The following LARP1B variants were observed in gnomAD, a reference collection of about 807,000 sequenced individuals.
The protein encoded by LARP1B is la-related protein 1B.
In LARP1B, 76 loss-of-function variants were observed where a neutral mutation model predicts 114.2. The observed-to-expected ratio is 0.67, with a 90% CI of 0.55 to 0.81. The LOEUF (loss-of-function observed/expected upper bound fraction) is 0.81, where lower values mean the gene tolerates loss of function less well. LARP1B is among the 30% of genes least tolerant of loss of function. LARP1B has a pLI of 0.00. For missense variants in LARP1B, 1,014 were observed against 1,075.8 expected, an observed-to-expected ratio of 0.94 and a Z score of 0.80; for synonymous variants, 345 against 348.0, an observed-to-expected ratio of 0.99 and a Z score of 0.10.
At chr4:128,062,610 T>A (rs1760671234) in intron 1 of LARP1B, among the ~76,000 whole-genome samples, 3 of 150,650 alleles carry the variant, frequency 2.0e-5, no homozygotes, top group African/African-American at 7.3e-5. Context: ...TTTTTTTTTT[T>A]ACATAAAAGG....
At chr4:128,130,602 A>G (rs1412558004) in intron 11 of LARP1B, among the ~76,000 whole-genome samples, 2 of 152,384 alleles carry the variant, frequency 1.3e-5, no homozygotes, top group East Asian at 1.9e-4. Flanking sequence ...GCAAAACAGT[A>G]CAGCTTCTTT....
intron 4 of LARP1B, among the ~76,000 whole-genome samples, chr4:128,078,998 G>C (rs1769107891): frequency 6.6e-6 from 1 of 152,106 alleles, no homozygotes. Flanking sequence ...GAGGTGATAT[G>C]GCATGGGAGG....
chr4:128,113,781 CTTTTTTTT>C (rs1156610852), intron 9 of LARP1B, among the ~76,000 whole-genome samples: 1 of 114,248 alleles, frequency 8.8e-6, no homozygotes, highest in Non-Finnish European at 1.8e-5. Context: ...GACATTTACT[CTTTTTTTT>C]TTTTTTTTTT....
intron 5 of LARP1B, among the ~76,000 whole-genome samples, chr4:128,084,795 T>C (rs1166446788): frequency 6.6e-6 from 1 of 152,186 alleles, no homozygotes; most frequent in African/African-American, 2.4e-5. Context: ...TTGATTAATA[T>C]TAACTTTGAT....
chr4:128,157,997 A>G (rs1399777090), intron 11 of LARP1B, among the ~76,000 whole-genome samples: 1 of 152,162 alleles, frequency 6.6e-6, no homozygotes, highest in East Asian at 1.9e-4. Context: ...GTGGCAATAA[A>G]CACAACAACG....
chr4:128,101,345 C>A (rs1049700960), intron 8 of LARP1B, among the ~76,000 whole-genome samples: 6 of 151,384 alleles, frequency 4.0e-5, no homozygotes, highest in Admixed American at 2.6e-4. Context: ...TGGTGACGTG[C>A]CTGTAATCCC....
At chr4:128,088,507 T>G (rs942650217) in intron 5 of LARP1B, among the ~76,000 whole-genome samples, 3 of 152,306 alleles carry the variant, frequency 2.0e-5, no homozygotes. Context: ...ATAAAATCTG[T>G]ACTAACGGTG....
intron 9 of LARP1B, among the ~76,000 whole-genome samples, chr4:128,111,126 A>G (rs1783958319): frequency 6.6e-6 from 1 of 151,222 alleles, no homozygotes; most frequent in African/African-American, 2.4e-5. Context: ...TGCTCACTGC[A>G]GACTCCGCCT....
chr4:128,146,937 T>G (rs1483537041), intron 11 of LARP1B, among the ~76,000 whole-genome samples: 1 of 152,246 alleles, frequency 6.6e-6, no homozygotes, highest in Non-Finnish European at 1.5e-5. Context: ...CCCACTGTTA[T>G]GCTTAGTATT....
In LARP1B at chr4:128,074,931, T is replaced by C; in HGVS notation, c.-18-3T>C. The C allele has an allele frequency of 1.9e-6, 3 of 1,595,704 alleles. No homozygotes were observed. In the South Asian group the frequency reaches 3.3e-5, roughly 18 times the overall value. On this transcript the variant is annotated splice_region_variant and splice_polypyrimidine_tract_variant and intron_variant, in intron 2 of 19. Coordinates refer to ENST00000326639, the MANE Select transcript of LARP1B (RefSeq NM_018078.4). Reference sequence around the variant, plus strand: ...GACCTAACACTTATTTGTTACTTCTTAGGCTAGTGATTTCAGTGATATGGA... The same window carrying C: ...GACCTAACACTTATTTGTTACTTCTCAGGCTAGTGATTTCAGTGATATGGA...
chr4:128,099,018 C>T (rs1026605525), intron 8 of LARP1B, among the ~76,000 whole-genome samples: 5 of 150,468 alleles, frequency 3.3e-5, no homozygotes, highest in South Asian at 2.1e-4. Context: ...CCTTGTGATC[C>T]GCCCACCTTC....
At chr4:128,172,936 A>AGTGT (rs1452279399) in intron 12 of LARP1B, among the ~76,000 whole-genome samples, 2 of 79,266 alleles carry the variant, frequency 2.5e-5, no homozygotes, top group South Asian at 3.1e-4. Flanking sequence ...AATCCCATCC[A>AGTGT]ATGTGTGTGT....
At chr4:128,195,464 T>C (rs999826459) in intron 15 of LARP1B, among the ~76,000 whole-genome samples, 5 of 152,200 alleles carry the variant, frequency 3.3e-5, no homozygotes, top group Non-Finnish European at 7.3e-5. Flanking sequence ...TATTTATTCA[T>C]TGTGGAGAAT....
At chr4:128,085,627 C>T (rs984903919) in intron 5 of LARP1B, among the ~76,000 whole-genome samples, 8 of 152,110 alleles carry the variant, frequency 5.3e-5, no homozygotes, top group Admixed American at 6.6e-5. Flanking sequence ...CTCGGCCTCC[C>T]GAAGTGTTGG....
intron 9 of LARP1B, 104 bp downstream of exon 9, chr4:128,107,417 T>A: frequency 1.3e-6 from 2 of 1,527,850 alleles, no homozygotes; most frequent in Non-Finnish European, 8.8e-7. Context: ...GATAGGAAAA[T>A]TAAAGCTAAC....
rs1260880149 is a variant in LARP1B, at chr4:128,100,805, C to CT, written c.813+2486dup. Among the ~76,000 whole-genome samples the CT allele has an allele frequency of 2.9e-3, 409 of 140,490 alleles. 1 individual carries two copies. Among genetic ancestry groups the CT allele is most frequent in the African/African-American group, 5.1e-3 (197 of 38,508 alleles). 92.2% of individuals were successfully genotyped at this position (140,490 alleles called of 152,430 possible). On this transcript the variant is annotated intron_variant, in intron 8 of 19. Transcript: ENST00000326639. ...TTGTCTTTTCATTTTCTTTTCTTTT[C>CT]TTTTTTTTTTTGTTTTTTGTTTTTG... is the stretch of plus-strand genomic sequence containing the variant.
At chr4:128,200,382 C>A (rs1326545529) in intron 16 of LARP1B, 139 bp from the exon 17 acceptor site, 6 of 542,802 alleles carry the variant, frequency 1.1e-5, no homozygotes, top group East Asian at 3.3e-5. Flanking sequence ...GGTTGGAGAT[C>A]CCCACTCTAT....
At position 128,086,807 on chromosome 4, in the gene LARP1B, G is replaced by C. The variant is rs530750874; in HGVS notation, c.359-4194G>C. Among the ~76,000 whole-genome samples, 618 of 151,694 alleles carry C rather than the reference G, an allele frequency of 4.1e-3. 7 individuals carry two copies. The highest frequency in any genetic ancestry group is 0.017 in the Middle Eastern group (5 of 292). On this transcript the variant is annotated intron_variant, in intron 5 of 19. Transcript: ENST00000326639. ...CAGTCCATTATAAATTATTCCATTA[G>C]TCTTTTTTTTTGAGACAAAGCCTCA...
chr4:128,102,756 C>G (rs1002672499), intron 8 of LARP1B, among the ~76,000 whole-genome samples: 3 of 152,074 alleles, frequency 2.0e-5, no homozygotes, highest in African/African-American at 7.2e-5. Flanking sequence ...AAGCAATTAA[C>G]GTAATATCTT....
Sources: allele counts gnomAD v4.1 joint callset (sites outside exome capture counted in the v4.1 genomes callset), GRCh38; gene constraint gnomAD v4.1.1; transcripts MANE v1.5; gene names NCBI Gene and HGNC (gene_info 2026-07-23, HGNC 2026-07-21).